The following WWOX variants were observed in gnomAD, a reference collection of about 807,000 sequenced individuals.
WWOX encodes the protein WW domain-containing oxidoreductase.
Under a neutral mutation model 46.2 loss-of-function variants are expected in WWOX, and 69 were observed. The ratio of observed to expected loss-of-function variants is 1.49; its 90% CI spans 1.23 to 1.82. WWOX has a LOEUF of 1.82. Ranked by LOEUF, WWOX falls within the 40% of genes most tolerant of loss-of-function variation. The pLI is 0.00. For missense variants in WWOX, 919 were observed against 542.6 expected, an observed-to-expected ratio of 1.69 and a Z score of -6.89; for synonymous variants, 359 against 202.6, an observed-to-expected ratio of 1.77 and a Z score of -6.56.
chr16:78,637,457 T>G (rs934353501), intron 8 of WWOX, among the ~76,000 whole-genome samples: 4 of 141,658 alleles, frequency 2.8e-5, no homozygotes, highest in Non-Finnish European at 4.7e-5. Flanking sequence ...AAAAAAAAAA[T>G]TGTTTCTGGC....
intron 8 of WWOX, among the ~76,000 whole-genome samples, chr16:78,691,015 C>T (rs2047974251): frequency 6.6e-6 from 1 of 152,174 alleles, no homozygotes; most frequent in African/African-American, 2.4e-5. Context: ...TGATAATCTC[C>T]ACTAAGCAGA....
chr16:79,049,035 G>T (rs946785495), intron 8 of WWOX, among the ~76,000 whole-genome samples: 3 of 152,168 alleles, frequency 2.0e-5, no homozygotes, highest in African/African-American at 7.2e-5. Context: ...CTAGATACCC[G>T]AGATACAAAA....
chr16:78,897,809 T>G (rs1443425246), intron 8 of WWOX: 1 of 152,210 alleles, frequency 6.6e-6, no homozygotes, highest in Non-Finnish European at 1.5e-5. Context: ...GAGTTTATGT[T>G]GCTTCACATC....
At chr16:78,450,159 G>A (rs951764804) in intron 8 of WWOX, among the ~76,000 whole-genome samples, 2 of 152,056 alleles carry the variant, frequency 1.3e-5, no homozygotes, top group Non-Finnish European at 2.9e-5. Flanking sequence ...ATCTAATTTA[G>A]CAAAATTCAA....
At chr16:78,357,335 CACAA>C (rs1159600415) in intron 5 of WWOX, among the ~76,000 whole-genome samples, 1 of 152,150 alleles carries the variant, frequency 6.6e-6, no homozygotes, top group Admixed American at 6.5e-5. Flanking sequence ...CTCAGCACCA[CACAA>C]ACACACTCCA....
intron 8 of WWOX, chr16:79,206,101 C>A (rs2051500417): frequency 6.6e-6 from 1 of 152,096 alleles, no homozygotes; most frequent in Non-Finnish European, 1.5e-5. Context: ...GATATCATTT[C>A]AATTTAGCTC....
chr16:78,659,845 C>G (rs560065152), intron 8 of WWOX, among the ~76,000 whole-genome samples: 1 of 152,132 alleles, frequency 6.6e-6, no homozygotes. Flanking sequence ...CATGACTCTC[C>G]TTACACATTT....
At chr16:79,056,842 G>C (rs899121207) in intron 8 of WWOX, among the ~76,000 whole-genome samples, 1 of 152,152 alleles carries the variant, frequency 6.6e-6, no homozygotes, top group Non-Finnish European at 1.5e-5. Context: ...CTTCCAAATT[G>C]TCATAGGAAT....
intron 5 of WWOX, among the ~76,000 whole-genome samples, chr16:78,249,732 T>G (rs1276788140): frequency 6.6e-6 from 1 of 152,154 alleles, no homozygotes; most frequent in African/African-American, 2.4e-5. Flanking sequence ...ATTTTTTGTA[T>G]TTATATGGCC....
intron 8 of WWOX, among the ~76,000 whole-genome samples, chr16:78,595,127 T>C (rs2045457154): frequency 6.6e-6 from 1 of 152,146 alleles, no homozygotes; most frequent in Non-Finnish European, 1.5e-5. Context: ...AAGAAGACAT[T>C]GCAAACCTGC....
chr16:79,035,611 C>T (rs2047850975), intron 8 of WWOX, among the ~76,000 whole-genome samples: 1 of 152,182 alleles, frequency 6.6e-6, no homozygotes, highest in Non-Finnish European at 1.5e-5. Context: ...GGGATCTTGG[C>T]TCACTGCAAC....
At chr16:78,858,407 G>C (rs1464354965) in intron 8 of WWOX, among the ~76,000 whole-genome samples, 1 of 151,754 alleles carries the variant, frequency 6.6e-6, no homozygotes, top group African/African-American at 2.4e-5. Flanking sequence ...TATAATGGCT[G>C]TCCATGATAT....
chr16:78,539,997 TTCTCTC>T (rs536466074), intron 8 of WWOX, among the ~76,000 whole-genome samples: 41 of 133,100 alleles, frequency 3.1e-4, no homozygotes, highest in East Asian at 1.2e-3. Context: ...CTCTCTCTCT[TTCTCTC>T]TCTCTCTCTC....
intron 8 of WWOX, among the ~76,000 whole-genome samples, chr16:78,718,415 G>A (rs1269265501): frequency 6.6e-6 from 1 of 152,064 alleles, no homozygotes; most frequent in Non-Finnish European, 1.5e-5. Flanking sequence ...TAAATTTAAT[G>A]TTTTTTTGCT....
intron 8 of WWOX, among the ~76,000 whole-genome samples, chr16:78,884,076 C>T (rs578121241): frequency 4.6e-5 from 7 of 151,990 alleles, no homozygotes; most frequent in African/African-American, 1.7e-4. Context: ...CCCGGGAGTT[C>T]AAGACCAGCT....
intron 8 of WWOX, among the ~76,000 whole-genome samples, chr16:79,100,515 C>T (rs547345069): frequency 1.6e-4 from 24 of 152,200 alleles, no homozygotes; most frequent in African/African-American, 2.4e-5. Flanking sequence ...TAGAACAAGA[C>T]CTCTGAATAC....
At chr16:78,929,507 C>T (rs1306278669) in intron 8 of WWOX, among the ~76,000 whole-genome samples, 1 of 152,082 alleles carries the variant, frequency 6.6e-6, no homozygotes, top group Non-Finnish European at 1.5e-5. Flanking sequence ...AAAATACTGG[C>T]ACCGTATCCG....
intron 8 of WWOX, among the ~76,000 whole-genome samples, chr16:78,675,954 A>C (rs2047588124): frequency 6.6e-6 from 1 of 152,164 alleles, no homozygotes; most frequent in Non-Finnish European, 1.5e-5. Context: ...TCTCTGTCCC[A>C]CCACAAACCA....
intron 5 of WWOX, among the ~76,000 whole-genome samples, chr16:78,332,956 C>T (rs2080795019): frequency 6.6e-6 from 1 of 151,480 alleles, no homozygotes; most frequent in African/African-American, 2.4e-5. Flanking sequence ...TTCTGTTGCT[C>T]AGAACCCTTG....
Sources: allele counts gnomAD v4.1 joint callset (sites outside exome capture counted in the v4.1 genomes callset), GRCh38; gene constraint gnomAD v4.1.1; transcripts MANE v1.5; gene names NCBI Gene and HGNC (gene_info 2026-07-23, HGNC 2026-07-21).